SNTG1: variants seen among roughly 807,000 people sequenced by gnomAD.
SNTG1 encodes the protein syntrophin gamma 1.
A neutral mutation model predicts 74.7 loss-of-function variants in SNTG1; 39 were observed. The ratio of observed to expected loss-of-function variants is 0.52; its 90% confidence interval spans 0.40 to 0.68. The LOEUF (loss-of-function observed/expected upper bound fraction) is 0.68. Ranked by LOEUF, SNTG1 falls within the 30% of genes least tolerant of loss-of-function variation. The pLI, the probability that SNTG1 is intolerant of heterozygous loss-of-function variation, is 0.00. For synonymous variants in SNTG1, 254 were observed against 217.1 expected (o/e 1.17, Z -1.49); for missense variants, 685 against 609.5 (o/e 1.12, Z -1.30).
At chr8:50,118,427 C>T (rs1452905985) in intron 1 of SNTG1, among the ~76,000 whole-genome samples, 1 of 152,172 alleles carries the variant, frequency 6.6e-6, no homozygotes, top group African/African-American at 2.4e-5. Flanking sequence ...GTGCTTTACA[C>T]ATTTTACATA....
At chr8:49,977,069 G>T (rs183729080) in intron 1 of SNTG1, among the ~76,000 whole-genome samples, 1 of 152,108 alleles carries the variant, frequency 6.6e-6, no homozygotes, top group African/African-American at 2.4e-5. Context: ...CACAGTCATT[G>T]CAACTCAATT....
rs891833771 is a variant in SNTG1, at chr8:50,381,626, A to C, written c.-27-12586A>C. 1.1e-3 allele frequency among the ~76,000 whole-genome samples: 153 copies of C among 137,314 alleles called. 2 individuals are homozygous for C. The highest frequency in any genetic ancestry group is 1.5e-3 in the Non-Finnish European group (99 of 64,486). 90.1% of individuals were successfully genotyped at this position (137,314 alleles called of 152,430 possible). On this transcript the variant is annotated intron_variant, in intron 2 of 18. Transcript: ENST00000642720. ...TATATATCTCCTATTAGTTATATAT[A>C]TATATCCTATTAGTTATATATATAT...
intron 2 of SNTG1, among the ~76,000 whole-genome samples, chr8:50,253,034 G>A (rs986804964): frequency 1.4e-4 from 22 of 152,266 alleles, no homozygotes; most frequent in African/African-American, 4.6e-4. Flanking sequence ...AAAACAAGTG[G>A]TGGTGATGAT....
At chr8:50,492,843 T>G (rs987784971) in intron 8 of SNTG1, among the ~76,000 whole-genome samples, 2 of 152,236 alleles carry the variant, frequency 1.3e-5, no homozygotes, top group Non-Finnish European at 2.9e-5. Flanking sequence ...CTAGGTTTCC[T>G]TCTAGAGTTT....
rs1476895739 is a variant in SNTG1, at chr8:50,599,825, T to C, written c.849+8908T>C. 2.0e-5 allele frequency among the ~76,000 whole-genome samples: 3 copies of C among 152,136 alleles called. No individual in the cohort carries two copies. In the East Asian group the frequency reaches 5.8e-4, roughly 29 times the overall value. On this transcript the variant is annotated intron_variant, in intron 13 of 18. Coordinates refer to ENST00000642720, the MANE Select transcript of SNTG1 (RefSeq NM_018967.5). ...CTTTCTCTTCTTTGATTGCTCTAGC[T>C]AGGACTTCCAGTACTATTTTGAGTA...
chr8:50,494,574 C>G (rs2093887210), intron 8 of SNTG1, among the ~76,000 whole-genome samples: 1 of 151,996 alleles, frequency 6.6e-6, no homozygotes, highest in African/African-American at 2.4e-5. Context: ...ATTAATGGAT[C>G]TTGAGCTACT....
intron 1 of SNTG1, among the ~76,000 whole-genome samples, chr8:50,093,709 G>GT: frequency 6.6e-6 from 1 of 152,248 alleles, no homozygotes; most frequent in South Asian, 2.1e-4. Flanking sequence ...TATAGGGGCA[G>GT]TTGGCTAAGG....
chr8:50,282,593 C>A (rs1418008257), intron 2 of SNTG1, among the ~76,000 whole-genome samples: 2 of 88,970 alleles, frequency 2.2e-5, no homozygotes, highest in East Asian at 4.3e-4. Context: ...TCTGCCCCGT[C>A]CCTACTGAAA....
intron 13 of SNTG1, among the ~76,000 whole-genome samples, chr8:50,645,307 T>A (rs551142664): frequency 1.3e-5 from 2 of 151,974 alleles, no homozygotes; most frequent in African/African-American, 4.8e-5. Flanking sequence ...AGTTTTTCTA[T>A]TTTTTATTTG....
At chr8:50,736,242 T>A (rs183928569) in intron 17 of SNTG1, among the ~76,000 whole-genome samples, 4 of 152,000 alleles carry the variant, frequency 2.6e-5, no homozygotes, top group African/African-American at 9.6e-5. Flanking sequence ...GCTAGCATCA[T>A]AATGACAGGC....
chr8:50,278,112 G>C (rs1021213992), intron 2 of SNTG1, among the ~76,000 whole-genome samples: 1 of 152,040 alleles, frequency 6.6e-6, no homozygotes, highest in Non-Finnish European at 1.5e-5. Context: ...GGCAGAGGTT[G>C]CAATGAGCCA....
chr8:50,436,495 A>C (rs2131555697), intron 4 of SNTG1, among the ~76,000 whole-genome samples: 1 of 152,184 alleles, frequency 6.6e-6, no homozygotes, highest in East Asian at 1.9e-4. Flanking sequence ...TTTCTACTCT[A>C]TGCCAGGGTC....
chr8:50,191,706 T>G (rs936289751), intron 2 of SNTG1, among the ~76,000 whole-genome samples: 1 of 152,088 alleles, frequency 6.6e-6, no homozygotes, highest in Non-Finnish European at 1.5e-5. Context: ...TAGGTATTTG[T>G]GCTAATGCTC....
chr8:49,910,651 T>C (rs1057032967), upstream of SNTG1, among the ~76,000 whole-genome samples: 3 of 152,034 alleles, frequency 2.0e-5, no homozygotes, highest in Admixed American at 2.0e-4. Context: ...GTCAGCCAGT[T>C]GCCAAGAGCG....
intron 8 of SNTG1, among the ~76,000 whole-genome samples, chr8:50,487,849 T>TA (rs556039366): frequency 0.012 from 1,679 of 144,168 alleles, 28 homozygotes; most frequent in African/African-American, 0.038. Flanking sequence ...AAAAGTCCAG[T>TA]AAAAAAAAAA....
chr8:50,006,489 T>C (rs1455115840), intron 1 of SNTG1, among the ~76,000 whole-genome samples: 2 of 152,228 alleles, frequency 1.3e-5, no homozygotes, highest in Non-Finnish European at 2.9e-5. Flanking sequence ...TACTTTTTAA[T>C]TGTGTTCTGC....
At chr8:49,916,479 C>T (rs971150172) in intron 1 of SNTG1, among the ~76,000 whole-genome samples, 1 of 151,870 alleles carries the variant, frequency 6.6e-6, no homozygotes, top group South Asian at 2.1e-4. Flanking sequence ...TGAATACTTG[C>T]TTATTATCAC....
intron 2 of SNTG1, among the ~76,000 whole-genome samples, chr8:50,377,032 G>A (rs2092400807): frequency 6.6e-6 from 1 of 152,082 alleles, no homozygotes; most frequent in Non-Finnish European, 1.5e-5. Context: ...CATGAGCCCA[G>A]GCTCACAATG....
At chr8:50,747,570 T>C (rs1563803771) in intron 17 of SNTG1, among the ~76,000 whole-genome samples, 1 of 152,036 alleles carries the variant, frequency 6.6e-6, no homozygotes, top group Non-Finnish European at 1.5e-5. Context: ...ACAATTAAGG[T>C]AACATTCTAT....
Sources: gnomAD v4.1 joint callset for allele counts (sites outside exome capture counted in the v4.1 genomes callset) on GRCh38, gnomAD v4.1.1 for gene constraint, MANE v1.5 for transcripts, NCBI Gene and HGNC (gene_info 2026-07-23, HGNC 2026-07-21) for gene names.